Variants in NRXN1 observed in about 807,000 individuals in gnomAD.
NRXN1 encodes neurexin-1.
In NRXN1, 39 loss-of-function variants were observed where a neutral mutation model predicts 150.9. That is an observed-to-expected ratio of 0.26 (90% CI 0.20 to 0.34). The LOEUF (loss-of-function observed/expected upper bound fraction) is 0.34. Among genes scored for constraint, NRXN1 ranks in the 10% least tolerant of loss-of-function variants. The pLI, the probability that NRXN1 is intolerant of heterozygous loss-of-function variation, is 1.00. For synonymous variants in NRXN1, 924 were observed against 757.0 expected (o/e 1.22, Z -3.62); for missense variants, 1,815 against 1,949.9 (o/e 0.93, Z 1.30).
chr2:50,596,945 T>C (rs770708369), intron 8 of NRXN1, among the ~76,000 whole-genome samples: 2 of 142,540 alleles, frequency 1.4e-5, no homozygotes, highest in Non-Finnish European at 3.0e-5. Context: ...CAGTGCGGTA[T>C]AACCTCTGCT....
At chr2:50,097,738 C>A (rs977015033) in intron 18 of NRXN1, among the ~76,000 whole-genome samples, 5 of 151,730 alleles carry the variant, frequency 3.3e-5, no homozygotes, top group African/African-American at 1.2e-4. Flanking sequence ...TTCCTTTGTT[C>A]AAGTGATTCT....
intron 21 of NRXN1, among the ~76,000 whole-genome samples, chr2:50,002,075 C>T (rs1414341377): frequency 6.6e-6 from 1 of 151,840 alleles, no homozygotes; most frequent in Admixed American, 6.6e-5. Flanking sequence ...GCAAGAGGGC[C>T]CTGAGCTCTA....
chr2:49,949,376 A>G (rs1022818890), intron 21 of NRXN1, among the ~76,000 whole-genome samples: 4 of 151,964 alleles, frequency 2.6e-5, no homozygotes, highest in Non-Finnish European at 4.4e-5. Flanking sequence ...TTAACTGCAT[A>G]TCTGTGTGGT....
intron 18 of NRXN1, among the ~76,000 whole-genome samples, chr2:50,232,463 T>G (rs1055037649): frequency 6.8e-6 from 1 of 146,354 alleles, no homozygotes; most frequent in African/African-American, 2.5e-5. Context: ...CTCGGCTCAC[T>G]GCAACCTCCA....
At chr2:50,311,583 T>C (rs144361742) in intron 17 of NRXN1, among the ~76,000 whole-genome samples, 317 of 152,230 alleles carry the variant, frequency 2.1e-3, no homozygotes, top group African/African-American at 7.2e-3. Flanking sequence ...TACATTGTCT[T>C]GTGGAAATCA....
chr2:50,489,930 C>T (rs1393698412), intron 15 of NRXN1, among the ~76,000 whole-genome samples: 1 of 152,162 alleles, frequency 6.6e-6, no homozygotes, highest in Admixed American at 6.5e-5. Flanking sequence ...AACTTCCCGC[C>T]TCCTTAAGGT....
intron 5 of NRXN1, chr2:50,916,949 G>A (rs1052410378): frequency 1.3e-5 from 2 of 151,654 alleles, no homozygotes; most frequent in South Asian, 2.1e-4. Flanking sequence ...TAATGAACAT[G>A]TAAGCTAAAG....
At chr2:50,970,569 C>A (rs1694841373) in intron 2 of NRXN1, among the ~76,000 whole-genome samples, 2 of 152,054 alleles carry the variant, frequency 1.3e-5, no homozygotes, top group Non-Finnish European at 2.9e-5. Flanking sequence ...AATAACCAAA[C>A]ACTCAAAGGA....
chr2:50,563,157 T>C (rs1248579412), intron 8 of NRXN1, among the ~76,000 whole-genome samples: 1 of 152,226 alleles, frequency 6.6e-6, no homozygotes, highest in Non-Finnish European at 1.5e-5. Context: ...GTTGCTTTGA[T>C]CTAGCTTTCT....
intron 17 of NRXN1, among the ~76,000 whole-genome samples, chr2:50,420,395 A>G (rs1283129256): frequency 6.6e-6 from 1 of 151,340 alleles, no homozygotes; most frequent in African/African-American, 2.4e-5. Flanking sequence ...ACATACATAC[A>G]TGTACACACA....
chr2:50,911,284 C>A (rs1384834622), intron 5 of NRXN1, among the ~76,000 whole-genome samples: 1 of 151,866 alleles, frequency 6.6e-6, no homozygotes, highest in Admixed American at 6.6e-5. Context: ...ATTACAATCT[C>A]GTGTTCTTGT....
At chr2:50,551,035 AGAGGAAGAGGAAGAG>A (rs1276311180) in intron 9 of NRXN1, among the ~76,000 whole-genome samples, 2 of 101,050 alleles carry the variant, frequency 2.0e-5, no homozygotes, top group African/African-American at 4.4e-5. Flanking sequence ...AGGAAGAGGA[AGAGGAAGAGGAAGAG>A]GAAGAAGAAG....
intron 5 of NRXN1, 128 bp from the exon 6 acceptor site, chr2:50,623,743 C>CTAA: frequency 1.5e-6 from 1 of 666,448 alleles, no homozygotes; most frequent in Non-Finnish European, 2.5e-6. Context: ...GACATGAACT[C>CTAA]TGTCTCAGTC....
chr2:50,581,779 G>C (rs1672300712), intron 8 of NRXN1, among the ~76,000 whole-genome samples: 1 of 152,124 alleles, frequency 6.6e-6, no homozygotes. Flanking sequence ...AGAAATGATG[G>C]AGCCAAACCA....
intron 16 of NRXN1, among the ~76,000 whole-genome samples, chr2:50,469,265 C>T (rs1184029775): frequency 1.3e-5 from 2 of 151,386 alleles, no homozygotes; most frequent in Admixed American, 6.6e-5. Context: ...AAGTAGACTT[C>T]GACGGGTTAA....
chr2:50,178,527 C>T (rs754279757), intron 18 of NRXN1, among the ~76,000 whole-genome samples: 1 of 152,018 alleles, frequency 6.6e-6, no homozygotes, highest in Non-Finnish European at 1.5e-5. Context: ...AAACAATATT[C>T]TATTCTCTCT....
intron 11 of NRXN1, among the ~76,000 whole-genome samples, chr2:50,530,223 G>A (rs1049821397): frequency 1.3e-5 from 2 of 152,004 alleles, no homozygotes; most frequent in African/African-American, 2.4e-5. Context: ...CCTTTGATAT[G>A]AGCAAAGATC....
chr2:50,945,703 G>A (rs1690245313), intron 2 of NRXN1, among the ~76,000 whole-genome samples: 1 of 151,440 alleles, frequency 6.6e-6, no homozygotes, highest in Non-Finnish European at 1.5e-5. Flanking sequence ...AATATTTATA[G>A]ATTAGATACG....
chr2:50,719,325 A>T (rs1309162330), intron 5 of NRXN1, among the ~76,000 whole-genome samples: 6 of 151,792 alleles, frequency 4.0e-5, no homozygotes. Context: ...CAAGCAAAAA[A>T]TTAAAAAAAA....
Sources: allele counts gnomAD v4.1 joint callset (sites outside exome capture counted in the v4.1 genomes callset), GRCh38; gene constraint gnomAD v4.1.1; transcripts MANE v1.5; gene names NCBI Gene and HGNC (gene_info 2026-07-23, HGNC 2026-07-21).